RGS6: variants seen among roughly 807,000 people sequenced by gnomAD.
The protein encoded by RGS6 is regulator of G protein signaling 6.
A neutral mutation model predicts 78.5 loss-of-function variants in RGS6; 30 were observed. That is an observed-to-expected ratio of 0.38 (90% CI 0.29 to 0.52). The LOEUF (loss-of-function observed/expected upper bound fraction) is 0.52, where lower values mean the gene tolerates loss of function less well. RGS6 is among the 20% of genes least tolerant of loss of function. The pLI, the probability that RGS6 is intolerant of heterozygous loss-of-function variation, is 0.85. For missense variants in RGS6, 495 were observed against 609.7 expected (o/e 0.81, Z 1.98); for synonymous variants, 206 against 206.0 (o/e 1.00, Z 0.00).
chr14:72,360,562 G>A (rs2081249955), intron 3 of RGS6, among the ~76,000 whole-genome samples: 1 of 151,112 alleles, frequency 6.6e-6, no homozygotes, highest in East Asian at 1.9e-4. Context: ...AAGAAAGGAG[G>A]CATAATAGAT....
chr14:72,416,073 G>T (rs146517048), intron 3 of RGS6, among the ~76,000 whole-genome samples: 1 of 151,576 alleles, frequency 6.6e-6, no homozygotes, highest in Non-Finnish European at 1.5e-5. Context: ...GCTTGAACCC[G>T]GGAGGCGGAG....
the RGS6 span, among the ~76,000 whole-genome samples, chr14:72,574,672 CGAGT>C: frequency 6.6e-6 from 1 of 152,080 alleles, no homozygotes; most frequent in Non-Finnish European, 1.5e-5. Context: ...TACTGTGATG[CGAGT>C]AAGAGGGGCA....
chr14:71,906,070 G>T, the RGS6 span, among the ~76,000 whole-genome samples: 4 of 152,096 alleles, frequency 2.6e-5, no homozygotes, highest in Admixed American at 2.0e-4. Flanking sequence ...CTGAAGTCTC[G>T]ATCTGACCCT....
intron 2 of RGS6, among the ~76,000 whole-genome samples, chr14:72,315,964 G>T (rs2070058763): frequency 6.6e-6 from 1 of 152,204 alleles, no homozygotes; most frequent in Non-Finnish European, 1.5e-5. Context: ...GCCTCCTGTG[G>T]CTTGGCTTGG....
intron 2 of RGS6, among the ~76,000 whole-genome samples, chr14:72,218,057 C>T (rs1007506231): frequency 1.3e-5 from 2 of 152,060 alleles, no homozygotes; most frequent in Admixed American, 6.6e-5. Context: ...CTTTTAAATT[C>T]TATAGTTTTC....
intron 3 of RGS6, among the ~76,000 whole-genome samples, chr14:72,352,824 C>T (rs988722446): frequency 3.9e-5 from 6 of 152,128 alleles, no homozygotes; most frequent in Non-Finnish European, 8.8e-5. Flanking sequence ...CTTCCCTAAA[C>T]ACTATCTGCT....
chr14:72,001,777 C>G (rs186202900), intron 2 of RGS6, among the ~76,000 whole-genome samples: 64 of 151,942 alleles, frequency 4.2e-4, no homozygotes, highest in African/African-American at 1.5e-3. Context: ...AGTTGTTTTG[C>G]ACCTAAAGGG....
the RGS6 span, among the ~76,000 whole-genome samples, chr14:72,583,831 C>A: frequency 6.6e-6 from 1 of 152,160 alleles, no homozygotes; most frequent in Non-Finnish European, 1.5e-5. Context: ...ATTCTGGAAG[C>A]CCACTCAGCC....
chr14:72,229,727 G>A (rs1201830929), intron 2 of RGS6, among the ~76,000 whole-genome samples: 3 of 152,160 alleles, frequency 2.0e-5, no homozygotes, highest in Admixed American at 1.3e-4. Flanking sequence ...GGAAGTCCAG[G>A]GATAAAGCTC....
chr14:71,967,771 G>A (rs981903230), intron 2 of RGS6, among the ~76,000 whole-genome samples: 1 of 152,106 alleles, frequency 6.6e-6, no homozygotes, highest in Non-Finnish European at 1.5e-5. Context: ...AAGCTTTTGG[G>A]TAAACTTTCG....
rs78664798 is a variant in RGS6, at chr14:72,488,836, G to A, written c.855-6316G>A. ...CTGGCTGGTTGGACCCCACTTCCCA[G>A]GTTGGAGATGTGACCACATCGAGGA... On this transcript the variant is annotated intron_variant, in intron 12 of 17. Coordinates refer to ENST00000553525, the MANE Select transcript of RGS6 (RefSeq NM_001204424.2). Among the ~76,000 whole-genome samples, 516 of 152,268 alleles carry A rather than the reference G, an allele frequency of 3.4e-3. 5 individuals are homozygous for A. Among genetic ancestry groups the A allele is most frequent in the African/African-American group, 0.012 (495 of 41,540 alleles).
At chr14:72,009,684 T>C (rs577890034) in intron 2 of RGS6, among the ~76,000 whole-genome samples, 3 of 152,362 alleles carry the variant, frequency 2.0e-5, no homozygotes, top group Non-Finnish European at 4.4e-5. Flanking sequence ...CACCTAGATC[T>C]TCCTAGACCC....
chr14:72,523,828 A>G (rs1233638231), intron 15 of RGS6, among the ~76,000 whole-genome samples: 1 of 151,080 alleles, frequency 6.6e-6, no homozygotes, highest in African/African-American at 2.5e-5. Context: ...TATATAGGCC[A>G]TGATTATTTT....
At chr14:72,537,474 C>T in intron 16 of RGS6, 1 of 702,336 alleles carries the variant, frequency 1.4e-6, no homozygotes, top group Non-Finnish European at 2.6e-6. Context: ...TGGGGTATCC[C>T]AGTTGTCAGC....
intron 2 of RGS6, among the ~76,000 whole-genome samples, chr14:72,344,348 G>A (rs929782954): frequency 2.0e-5 from 3 of 152,300 alleles, no homozygotes; most frequent in Non-Finnish European, 4.4e-5. Context: ...GGCACAGAAC[G>A]TTGGGGAACT....
At chr14:72,000,705 ATTTCC>A (rs2083259866) in intron 2 of RGS6, among the ~76,000 whole-genome samples, 1 of 152,102 alleles carries the variant, frequency 6.6e-6, no homozygotes, top group Non-Finnish European at 1.5e-5. Context: ...TTAGGGAGCT[ATTTCC>A]AGAAAAAGAA....
At chr14:72,043,967 T>TC (rs1363148527) in intron 2 of RGS6, among the ~76,000 whole-genome samples, 1 of 152,122 alleles carries the variant, frequency 6.6e-6, no homozygotes, top group Non-Finnish European at 1.5e-5. Context: ...CTCCTCCTCC[T>TC]CTCTTTTTCT....
intron 17 of RGS6, among the ~76,000 whole-genome samples, chr14:72,546,582 A>G (rs1290766710): frequency 2.0e-5 from 3 of 152,176 alleles, no homozygotes; most frequent in Non-Finnish European, 4.4e-5. Context: ...ACTTGGAGAA[A>G]AACCCCACTG....
chr14:72,270,702 T>C lies in RGS6; in HGVS notation c.85-81393T>C, dbSNP rs573609557. Among the ~76,000 whole-genome samples, 12 of 152,356 alleles carry C rather than the reference T, an allele frequency of 7.9e-5. No individual in the cohort carries two copies. In the South Asian group the frequency reaches 2.5e-3, roughly 32 times the overall value. On this transcript the variant is annotated intron_variant, in intron 2 of 17. Coordinates refer to ENST00000553525, the MANE Select transcript of RGS6 (RefSeq NM_001204424.2). Reference sequence around the variant, plus strand: ...GGACTGAAAATACATCTTCATTTGTTGCTGGGCAGCTGGGAAGATGAGTCA... The same window carrying C: ...GGACTGAAAATACATCTTCATTTGTCGCTGGGCAGCTGGGAAGATGAGTCA...
Sources: allele counts gnomAD v4.1 joint callset (sites outside exome capture counted in the v4.1 genomes callset), GRCh38; gene constraint gnomAD v4.1.1; transcripts MANE v1.5; gene names NCBI Gene and HGNC (gene_info 2026-07-23, HGNC 2026-07-21).